Variants in PPEF1 observed in about 807,000 individuals in gnomAD.
PPEF1 encodes protein phosphatase with EF-hand domain 1.
A neutral mutation model predicts 53.3 loss-of-function variants in PPEF1; 12 were observed. The observed-to-expected ratio is 0.23, with a 90% CI of 0.14 to 0.36. The LOEUF is 0.36. Among genes scored for constraint, PPEF1 ranks in the 10% least tolerant of loss-of-function variants. The pLI, the probability that PPEF1 is intolerant of heterozygous loss-of-function variation, is 1.00. For missense variants in PPEF1, 334 were observed against 490.4 expected (o/e 0.68, Z 3.01); for synonymous variants, 165 against 176.7 (o/e 0.93, Z 0.52).
At chrX:18,738,712 G>A (rs1242871099) in intron 3 of PPEF1, among the ~76,000 whole-genome samples, 1 of 112,562 alleles carries the variant, frequency 8.9e-6, no homozygotes, top group Admixed American at 9.5e-5. Context: ...ATAATATCCT[G>A]AAGAGTGTTT....
intron 10 of PPEF1, among the ~76,000 whole-genome samples, chrX:18,799,104 C>T (rs999373678): frequency 9.0e-6 from 1 of 111,186 alleles, no homozygotes; most frequent in African/African-American, 3.3e-5. Context: ...GGCGTGGTGG[C>T]GCATGCCTGT....
intron 2 of PPEF1, among the ~76,000 whole-genome samples, 164 bp downstream of exon 2, chrX:18,730,472 T>A (rs1035326747): frequency 7.2e-5 from 8 of 111,402 alleles, no homozygotes; most frequent in Non-Finnish European, 1.1e-4. Flanking sequence ...TGAGAGAGAG[T>A]GTGCTTTGGG....
chrX:18,775,411 G>C (rs1342449437), intron 6 of PPEF1, among the ~76,000 whole-genome samples: 1 of 109,837 alleles, frequency 9.1e-6, no homozygotes, highest in East Asian at 2.9e-4. Flanking sequence ...TTTCAGTAGA[G>C]ATGGGGTTTC....
chrX:18,699,954 T>C (rs1184617784), intron 5 of PPEF1: 2 of 112,757 alleles, frequency 1.8e-5, no homozygotes, highest in East Asian at 5.6e-4. Flanking sequence ...GATGGCAGAT[T>C]ATGCACACAA....
chrX:18,756,413 C>G lies in PPEF1; in HGVS notation c.397-1214C>G, dbSNP rs189978241. On this transcript the variant is annotated intron_variant, in intron 4 of 15. Transcript: ENST00000470157. ...CAGGCTGGTCTCGAACTTCTGACCT[C>G]AAGTGATCTGCCCACCTCGGCCTTC... 4.0e-3 allele frequency among the ~76,000 whole-genome samples: 443 copies of G among 111,338 alleles called. 3 individuals are homozygous for G. The highest frequency in any genetic ancestry group is 0.014 in the African/African-American group (423 of 30,658).
Position 18,733,775 on chromosome X carries a change from G to A in PPEF1, c.202G>A (p.Glu68Lys). The change falls in exon 3 of 16, where the codon GAA becomes AAA. Residue 68 changes from glutamate to lysine, a missense_variant. Coordinates refer to ENST00000470157, the MANE Select transcript of PPEF1 (RefSeq NM_001377996.1). ...QLSTFFSFML[E>K]NYTHIHKEEL... is the part of the protein sequence containing the mutation. ...ATCCACCTTCTTTTCCTTCATGTTG[G>A]AAAACTACACACATATACATAAGGA... 8.4e-7 allele frequency: 1 copy of A among 1,193,044 alleles called. No homozygotes were observed. The highest frequency in any genetic ancestry group is 2.3e-5 in the Admixed American group (1 of 43,245).
intron 4 of PPEF1, among the ~76,000 whole-genome samples, chrX:18,750,854 T>G (rs1282997928): frequency 9.0e-6 from 1 of 111,614 alleles, no homozygotes; most frequent in Non-Finnish European, 1.9e-5. Context: ...TTATTTTGTT[T>G]TTTTTTTTAT....
upstream of PPEF1, among the ~76,000 whole-genome samples, chrX:18,678,128 C>CA (rs57502489): frequency 0.037 from 1,253 of 33,670 alleles, 66 homozygotes; most frequent in South Asian, 0.15. Flanking sequence ...GAGAACCTGG[C>CA]AAAAAAAAAA....
intron 7 of PPEF1, among the ~76,000 whole-genome samples, chrX:18,781,909 C>T (rs1275609588): frequency 2.7e-5 from 3 of 110,750 alleles, no homozygotes; most frequent in African/African-American, 9.9e-5. Context: ...TTGTTACCTG[C>T]TAGGTAACAA....
chrX:18,688,218 C>T (rs751044152), intron 3 of PPEF1, among the ~76,000 whole-genome samples: 4 of 112,043 alleles, frequency 3.6e-5, no homozygotes, highest in Non-Finnish European at 3.8e-5. Flanking sequence ...AACCTTCTCA[C>T]GAAAACCAAA....
intron 3 of PPEF1, among the ~76,000 whole-genome samples, chrX:18,687,408 A>C (rs1158030563): frequency 9.0e-6 from 1 of 111,493 alleles, no homozygotes; most frequent in African/African-American, 3.3e-5. Flanking sequence ...TTATAGTTGA[A>C]GCAATAGGCA....
intron 1 of PPEF1, among the ~76,000 whole-genome samples, chrX:18,725,354 C>CCCAGA (rs2044682389): frequency 8.9e-6 from 1 of 111,940 alleles, no homozygotes; most frequent in Non-Finnish European, 1.9e-5. Flanking sequence ...AGAACTGAAG[C>CCCAGA]CCAGACCTCT....
At chrX:18,757,791 C>A in intron 5 of PPEF1, 50 bp downstream of exon 5, 1 of 953,627 alleles carries the variant, frequency 1.0e-6, no homozygotes, top group Non-Finnish European at 1.5e-6. Context: ...GCCTCTTGGT[C>A]CTACATCGTT....
At chrX:18,797,400 A>G (rs1403281436) in intron 10 of PPEF1, among the ~76,000 whole-genome samples, 1 of 112,070 alleles carries the variant, frequency 8.9e-6, no homozygotes, top group Admixed American at 9.5e-5. Flanking sequence ...TTAAGTCACT[A>G]TACAGAGATG....
At chrX:18,774,527 C>T (rs113849279) in intron 6 of PPEF1, among the ~76,000 whole-genome samples, 18 of 112,263 alleles carry the variant, frequency 1.6e-4, no homozygotes, top group Non-Finnish European at 3.2e-4. Context: ...CTTCTGTGTT[C>T]CTAGCACCTA....
At chrX:18,792,913 A>G (rs768040516) in intron 10 of PPEF1, among the ~76,000 whole-genome samples, 238 of 111,329 alleles carry the variant, frequency 2.1e-3, no homozygotes, top group African/African-American at 7.2e-3. Flanking sequence ...ATGTAAATGC[A>G]GAGTTTGAAG....
intron 6 of PPEF1, among the ~76,000 whole-genome samples, chrX:18,765,389 C>T (rs376406822): frequency 9.0e-6 from 1 of 111,375 alleles, no homozygotes; most frequent in Non-Finnish European, 1.9e-5. Flanking sequence ...GTGTACAACA[C>T]GAGGACTATA....
chrX:18,782,889 G>T (rs189567453), intron 8 of PPEF1, among the ~76,000 whole-genome samples: 2 of 108,614 alleles, frequency 1.8e-5, no homozygotes, highest in East Asian at 5.9e-4. Flanking sequence ...GAGGCCGGTG[G>T]ATCACTTGAG....
At chrX:18,746,263 A>C (rs975413121) in intron 3 of PPEF1, among the ~76,000 whole-genome samples, 1 of 112,442 alleles carries the variant, frequency 8.9e-6, no homozygotes, top group African/African-American at 3.2e-5. Flanking sequence ...AACAGTATAT[A>C]CATAAGAAAT....
Sources: gnomAD v4.1 joint callset for allele counts (sites outside exome capture counted in the v4.1 genomes callset) on GRCh38, gnomAD v4.1.1 for gene constraint, MANE v1.5 for transcripts, NCBI Gene and HGNC (gene_info 2026-07-23, HGNC 2026-07-21) for gene names.